Variants in SPATA6 observed in about 807,000 individuals in gnomAD.
SPATA6 encodes the protein spermatogenesis-associated protein 6.
SPATA6 carries 56 observed loss-of-function variants against 65.3 expected under a neutral mutation model. The ratio of observed to expected loss-of-function variants is 0.86; its 90% CI spans 0.69 to 1.07. The LOEUF is 1.07. SPATA6 is among the 50% of genes least tolerant of loss of function. The pLI, the probability that SPATA6 is intolerant of heterozygous loss-of-function variation, is 0.00. For missense variants in SPATA6, 590 were observed against 594.8 expected, an observed-to-expected ratio of 0.99 and a Z score of 0.08; for synonymous variants, 199 against 213.2, an observed-to-expected ratio of 0.93 and a Z score of 0.58.
chr1:48,313,604 C>T (rs186091655), intron 11 of SPATA6, among the ~76,000 whole-genome samples: 11 of 151,984 alleles, frequency 7.2e-5, no homozygotes, highest in African/African-American at 2.2e-4. Context: ...CAAATTGTAA[C>T]GACCATCGAG....
chr1:48,457,182 A>G (rs572068207), intron 1 of SPATA6, among the ~76,000 whole-genome samples: 2 of 152,334 alleles, frequency 1.3e-5, no homozygotes, highest in Admixed American at 6.5e-5. Context: ...CTGGAATCCC[A>G]GCACTCTGGG....
chr1:48,389,680 GA>G lies in SPATA6; in HGVS notation c.869-4332del, dbSNP rs368966359. Among the ~76,000 whole-genome samples, 816 of 151,748 alleles carry G rather than the reference GA, an allele frequency of 5.4e-3. 21 individuals carry two copies. Among genetic ancestry groups the G allele is most frequent in the South Asian group, 0.05 (242 of 4,800 alleles). ...AGGACACTCACTATTAATATATCCAGAAAAAAAATCCTTCATAAATTTAGGA... is the reference window on the plus strand; with the variant it reads ...AGGACACTCACTATTAATATATCCAGAAAAAAATCCTTCATAAATTTAGGA... On this transcript the variant is annotated intron_variant, in intron 8 of 12. Transcript: ENST00000371847.
intron 11 of SPATA6, among the ~76,000 whole-genome samples, chr1:48,329,528 T>C (rs1000891842): frequency 6.6e-6 from 1 of 152,236 alleles, no homozygotes; most frequent in African/African-American, 2.4e-5. Flanking sequence ...ATTACTATTA[T>C]CATGATTGAA....
chr1:48,398,776 A>AT (rs1557663616), intron 7 of SPATA6, among the ~76,000 whole-genome samples: 1 of 151,812 alleles, frequency 6.6e-6, no homozygotes, highest in Non-Finnish European at 1.5e-5. Context: ...AAGACTCTAA[A>AT]TTTCAACTAT....
chr1:48,436,914 G>C, intron 3 of SPATA6: 1 of 1,613,470 alleles, frequency 6.2e-7, no homozygotes, highest in Non-Finnish European at 8.5e-7. Context: ...GAGAAAGTGT[G>C]CTTGTCTCCA....
intron 5 of SPATA6, among the ~76,000 whole-genome samples, chr1:48,406,556 T>C (rs1230615671): frequency 6.6e-6 from 1 of 152,146 alleles, no homozygotes; most frequent in Non-Finnish European, 1.5e-5. Context: ...TTAAGAGACA[T>C]TTATTAAGTA....
intron 3 of SPATA6, among the ~76,000 whole-genome samples, chr1:48,421,405 T>C (rs1653323471): frequency 6.6e-6 from 1 of 152,110 alleles, no homozygotes; most frequent in Non-Finnish European, 1.5e-5. Flanking sequence ...CAAATCCTTT[T>C]AAGTAGCCAT....
At chr1:48,374,701 A>G (rs999670255) in intron 9 of SPATA6, among the ~76,000 whole-genome samples, 1 of 152,178 alleles carries the variant, frequency 6.6e-6, no homozygotes, top group Admixed American at 6.5e-5. Context: ...AGATCACTCA[A>G]CTGAACAAAT....
At chr1:48,323,508 G>A (rs1645662228) in intron 11 of SPATA6, among the ~76,000 whole-genome samples, 1 of 151,580 alleles carries the variant, frequency 6.6e-6, no homozygotes, top group Non-Finnish European at 1.5e-5. Flanking sequence ...CATTGCACAT[G>A]TATACTGATG....
chr1:48,466,816 C>T (rs2787873), intron 1 of SPATA6, among the ~76,000 whole-genome samples: 148,563 of 152,170 alleles, frequency 0.98, 72,608 homozygotes, highest in East Asian at 1. Context: ...TGAGTAGTGA[C>T]TGAAAGAAGC....
intron 8 of SPATA6, among the ~76,000 whole-genome samples, chr1:48,387,078 G>A (rs1649551630): frequency 1.3e-5 from 2 of 152,206 alleles, no homozygotes; most frequent in South Asian, 4.1e-4. Flanking sequence ...AGAAGGCAAG[G>A]AAGAGCAAGT....
intron 11 of SPATA6, among the ~76,000 whole-genome samples, chr1:48,317,427 A>C (rs992696866): frequency 7.9e-5 from 12 of 152,088 alleles, no homozygotes; most frequent in Non-Finnish European, 1.8e-4. Flanking sequence ...TATTGCAAGG[A>C]CAAAAAACCA....
chr1:48,283,692 A>AG, the SPATA6 span, among the ~76,000 whole-genome samples: 122 of 139,118 alleles, frequency 8.8e-4, no homozygotes, highest in Middle Eastern at 3.5e-3. Context: ...AAAAAAAAAA[A>AG]AAAAAAAAGA....
intron 11 of SPATA6, among the ~76,000 whole-genome samples, chr1:48,351,655 T>G (rs1646516549): frequency 6.6e-6 from 1 of 152,118 alleles, no homozygotes; most frequent in Admixed American, 6.6e-5. Context: ...TTTTCATTTT[T>G]ATATACAGAT....
rs900890056 is a variant in SPATA6 at position 48,411,696 on chromosome 1, T to C, written c.281-108A>G. The C allele has an allele frequency of 5.4e-6, 5 of 932,576 alleles. No homozygotes were observed. In the Admixed American group the frequency reaches 2.1e-4, roughly 39 times the overall value. The allele number at this position is 932,576 out of a possible 1,614,324, so 57.8% of individuals were successfully genotyped here. On this transcript the variant is annotated intron_variant, in intron 4 of 12. Transcript: ENST00000371847. Reference sequence around the variant, plus strand: ...GCCTGATGCCTTATTGAAATACCTGTTTTGGGTCATGTTTATTTTCTATGA... The same window carrying C: ...GCCTGATGCCTTATTGAAATACCTGCTTTGGGTCATGTTTATTTTCTATGA...
At chr1:48,455,301 A>G (rs985078684) in intron 1 of SPATA6, among the ~76,000 whole-genome samples, 1 of 152,172 alleles carries the variant, frequency 6.6e-6, no homozygotes, top group African/African-American at 2.4e-5. Context: ...AATAACTGTT[A>G]TATTAATTGC....
At chr1:48,272,150 A>G in the SPATA6 span, among the ~76,000 whole-genome samples, 8 of 152,192 alleles carry the variant, frequency 5.3e-5, no homozygotes, top group Non-Finnish European at 1.2e-4. Flanking sequence ...CAAGCTAATT[A>G]ACATATCCAT....
Position 48,359,746 on chromosome 1 carries a change from C to A in SPATA6, c.934G>T (p.Asp312Tyr). Residue 312 changes from aspartate (D) to tyrosine (Y), a missense_variant, in exon 10 of 13, where the codon GAC becomes TAC. Asp to Tyr is a radical substitution (Grantham distance 160). Transcript: ENST00000371847. ...CATTTTTCTAAAGAGTCATCGAAGT[C>A]TCTCCCATGGGGTGTCCTGATAACC... ...YKVIRTPHGR[D>Y]FDDSLEKCEE... 6.2e-7 allele frequency: 1 copy of A among 1,612,794 alleles called. No individual in the cohort carries two copies. The highest frequency in any genetic ancestry group is 2.2e-5 in the East Asian group (1 of 44,856).
At chr1:48,432,008 C>T (rs1008607738) in intron 3 of SPATA6, among the ~76,000 whole-genome samples, 36 of 152,016 alleles carry the variant, frequency 2.4e-4, no homozygotes, top group African/African-American at 8.4e-4. Context: ...TATGTGGGAG[C>T]CTGAGGTGGG....
Sources: allele counts gnomAD v4.1 joint callset (sites outside exome capture counted in the v4.1 genomes callset), GRCh38; gene constraint gnomAD v4.1.1; transcripts MANE v1.5; gene names NCBI Gene and HGNC (gene_info 2026-07-23, HGNC 2026-07-21).